Variants in MAP2K6 observed in about 807,000 individuals in gnomAD.
MAP2K6 encodes mitogen-activated protein kinase kinase 6.
Under a neutral mutation model 53.7 loss-of-function variants are expected in MAP2K6, and 16 were observed. The observed-to-expected ratio is 0.30, with a 90% CI of 0.20 to 0.45. The LOEUF is 0.45. Among genes scored for constraint, MAP2K6 ranks in the 20% least tolerant of loss-of-function variants. The pLI, the probability that MAP2K6 is intolerant of heterozygous loss-of-function variation, is 1.00. For synonymous variants in MAP2K6, 132 were observed against 143.1 expected, an observed-to-expected ratio of 0.92 and a Z score of 0.55; for missense variants, 204 against 411.9, an observed-to-expected ratio of 0.50 and a Z score of 4.37.
In MAP2K6 at chr17:69,551,446, C is replaced by T. The variant is rs1207093148; in HGVS notation, c.*9693C>T. ...TCATATCAGGTGCCTTGTACACACACATAAAGAGTCTGGTGAATTCTGACA... is the reference window on the plus strand; with the variant it reads ...TCATATCAGGTGCCTTGTACACACATATAAAGAGTCTGGTGAATTCTGACA... On this transcript the variant is annotated 3_prime_UTR_variant, in exon 12 of 12. Coordinates refer to ENST00000590474, the MANE Select transcript of MAP2K6 (RefSeq NM_002758.4). 6.6e-6 allele frequency: 1 copy of T among 152,204 alleles called. No homozygotes were observed. The highest frequency in any genetic ancestry group is 1.5e-5 in the Non-Finnish European group (1 of 68,044). 9.4% of individuals were successfully genotyped at this position (152,204 alleles called of 1,614,324 possible). A position where few individuals can be genotyped will look rare whatever the true frequency, so the allele number is the denominator to read the frequency against.
chr17:69,449,517 GTCTT>G (rs1022810571), intron 1 of MAP2K6, among the ~76,000 whole-genome samples: 3 of 97,072 alleles, frequency 3.1e-5, no homozygotes, highest in African/African-American at 5.8e-5. Flanking sequence ...TTCTTTCTTT[GTCTT>G]TCTTTCTTTG....
In MAP2K6 at chr17:69,544,117, C is replaced by G. The variant is rs1911782164; in HGVS notation, c.*2364C>G. 6.6e-6 allele frequency: 1 copy of G among 152,132 alleles called. No individual in the cohort carries two copies. The highest frequency in any genetic ancestry group is 2.1e-4 in the South Asian group (1 of 4,826). 9.4% of individuals were successfully genotyped at this position (152,132 alleles called of 1,614,324 possible). Reference sequence around the variant, plus strand: ...AAGAGAACTGACTTAAATTTACTTTCTTTTGAACATTTGCAGGGAGTAACA... The same window carrying G: ...AAGAGAACTGACTTAAATTTACTTTGTTTTGAACATTTGCAGGGAGTAACA... On this transcript the variant is annotated 3_prime_UTR_variant, in exon 12 of 12. Transcript: ENST00000590474.
At chr17:69,449,448 G>A (rs1460782005) in intron 1 of MAP2K6, among the ~76,000 whole-genome samples, 1 of 151,494 alleles carries the variant, frequency 6.6e-6, no homozygotes, top group Non-Finnish European at 1.5e-5. Context: ...TAAAAGCAGG[G>A]ATGATTATTA....
At chr17:69,472,287 C>T (rs1273801912) in intron 1 of MAP2K6, among the ~76,000 whole-genome samples, 1 of 152,112 alleles carries the variant, frequency 6.6e-6, no homozygotes, top group Non-Finnish European at 1.5e-5. Flanking sequence ...AAAAGTTTAA[C>T]ATTAACAATA....
chr17:69,435,003 A>G (rs1485924314), intron 1 of MAP2K6: 1 of 152,240 alleles, frequency 6.6e-6, no homozygotes, highest in Non-Finnish European at 1.5e-5. Flanking sequence ...ATGCTAGCAG[A>G]TGAAATAACT....
At chr17:69,458,374 A>G (rs1052022905) in intron 1 of MAP2K6, among the ~76,000 whole-genome samples, 4 of 152,200 alleles carry the variant, frequency 2.6e-5, no homozygotes, top group Non-Finnish European at 4.4e-5. Context: ...CTTAAAATGT[A>G]CATTCAAGGA....
chr17:69,519,219 G>T lies in MAP2K6; in HGVS notation c.247-94G>T, dbSNP rs1483365581. ...TCACAATGTCATCGCCAGAACTTGT[G>T]TCATGAACTATTTTCACGATGGGAC... On this transcript the variant is annotated intron_variant, in intron 4 of 11. Transcript: ENST00000590474. 7 of 1,417,580 alleles carry T rather than the reference G, an allele frequency of 4.9e-6. No individual in the cohort carries two copies. In the East Asian group the frequency reaches 9.4e-5, roughly 19 times the overall value. 87.8% of individuals were successfully genotyped at this position (1,417,580 alleles called of 1,614,324 possible).
intron 1 of MAP2K6, among the ~76,000 whole-genome samples, chr17:69,487,558 A>G (rs1013554073): frequency 1.5e-4 from 23 of 152,218 alleles, no homozygotes; most frequent in African/African-American, 5.5e-4. Context: ...CACAGCCTAT[A>G]TTGATTTGCT....
At position 69,416,531 on chromosome 17, in the gene MAP2K6, C is replaced by T. The variant is rs184664282; in HGVS notation, c.16+1531C>T. Among the ~76,000 whole-genome samples the T allele has an allele frequency of 4.1e-3, 626 of 152,150 alleles. 7 individuals carry two copies. The highest frequency in any genetic ancestry group is 0.041 in the Middle Eastern group (12 of 294). ...TTTGGTAAACATTCGCTCATTCATT[C>T]AATTCAGTTTAATATATGTGTAATA... On this transcript the variant is annotated intron_variant, in intron 1 of 11. Transcript: ENST00000590474.
chr17:69,483,784 T>C (rs190724439), intron 1 of MAP2K6, among the ~76,000 whole-genome samples: 7 of 152,196 alleles, frequency 4.6e-5, no homozygotes, highest in Non-Finnish European at 1.0e-4. Flanking sequence ...AGTCCATAAA[T>C]AAATCCTTGC....
chr17:69,515,225 C>T (rs927877642), intron 2 of MAP2K6, among the ~76,000 whole-genome samples: 2 of 151,234 alleles, frequency 1.3e-5, no homozygotes, highest in South Asian at 2.1e-4. Flanking sequence ...GGCACAATCT[C>T]GGCTCACTGC....
chr17:69,463,660 A>C (rs550984468), intron 1 of MAP2K6, among the ~76,000 whole-genome samples: 24 of 151,836 alleles, frequency 1.6e-4, no homozygotes, highest in African/African-American at 5.6e-4. Context: ...ATACATACAC[A>C]TACATATATG....
chr17:69,506,937 ATTG>A (rs568988976), intron 2 of MAP2K6, among the ~76,000 whole-genome samples: 94 of 150,878 alleles, frequency 6.2e-4, no homozygotes, highest in Non-Finnish European at 1.2e-3. Flanking sequence ...TGCTGTCAAG[ATTG>A]TTTTCTTTTT....
chr17:69,429,690 A>G (rs2145135714), intron 1 of MAP2K6, among the ~76,000 whole-genome samples: 1 of 152,344 alleles, frequency 6.6e-6, no homozygotes, highest in East Asian at 1.9e-4. Flanking sequence ...TGTTTCAGTA[A>G]GAAAGGGCAC....
chr17:69,533,353 T>A (rs1285128896), intron 10 of MAP2K6, among the ~76,000 whole-genome samples: 1 of 152,216 alleles, frequency 6.6e-6, no homozygotes, highest in Non-Finnish European at 1.5e-5. Context: ...AAAATGGAGA[T>A]GTTTAAGCTC....
At chr17:69,437,106 C>T (rs1906669989) in intron 1 of MAP2K6, among the ~76,000 whole-genome samples, 1 of 152,236 alleles carries the variant, frequency 6.6e-6, no homozygotes, top group Admixed American at 6.5e-5. Context: ...GGATTACAGG[C>T]GTGAGCCACC....
intron 1 of MAP2K6, among the ~76,000 whole-genome samples, chr17:69,417,789 G>A (rs1378207496): frequency 2.0e-5 from 3 of 152,190 alleles, no homozygotes; most frequent in South Asian, 2.1e-4. Flanking sequence ...TCTCCGGAGG[G>A]AGGGAGAGAA....
chr17:69,420,849 T>C (rs946311598), intron 1 of MAP2K6, among the ~76,000 whole-genome samples: 1 of 152,226 alleles, frequency 6.6e-6, no homozygotes, highest in Non-Finnish European at 1.5e-5. Flanking sequence ...GGGTTATTTT[T>C]CTGTGTCCAA....
At chr17:69,448,793 C>T (rs974203772) in intron 1 of MAP2K6, among the ~76,000 whole-genome samples, 4 of 152,164 alleles carry the variant, frequency 2.6e-5, no homozygotes, top group Admixed American at 1.3e-4. Flanking sequence ...TCTTCATTGC[C>T]GGAGGTGGAG....
Sources: allele counts gnomAD v4.1 joint callset (sites outside exome capture counted in the v4.1 genomes callset), GRCh38; gene constraint gnomAD v4.1.1; transcripts MANE v1.5; gene names NCBI Gene and HGNC (gene_info 2026-07-23, HGNC 2026-07-21).